DPP10: variants seen among roughly 807,000 people sequenced by gnomAD.
DPP10 encodes inactive dipeptidyl peptidase 10.
DPP10 carries 33 observed loss-of-function variants against 120.9 expected under a neutral mutation model. The ratio of observed to expected loss-of-function variants is 0.27; its 90% CI spans 0.21 to 0.37. The LOEUF (loss-of-function observed/expected upper bound fraction) is 0.37, where lower values mean the gene tolerates loss of function less well. Among genes scored for constraint, DPP10 ranks in the 10% least tolerant of loss-of-function variants. The probability of loss-of-function intolerance (pLI) is 1.00; values close to 1 mark genes in which losing one functional copy is unlikely to be tolerated. For synonymous variants in DPP10, 337 were observed against 326.1 expected (o/e 1.03, Z -0.36); for missense variants, 816 against 942.8 (o/e 0.87, Z 1.76).
chr2:115,843,167 C>A lies in DPP10; in HGVS notation c.*822C>A, dbSNP rs895343799. ...ACATTTTTTCCAATTCAAATTCTAG[C>A]TATTGCTTTCCTATAAATGTTTGGG... On this transcript the variant is annotated 3_prime_UTR_variant, in exon 26 of 26. Transcript: ENST00000410059. 7 of 152,516 alleles carry A rather than the reference C, an allele frequency of 4.6e-5. No homozygotes were observed. Among genetic ancestry groups the A allele is most frequent in the Admixed American group, 6.5e-5 (1 of 15,272 alleles). 9.4% of individuals were successfully genotyped at this position (152,516 alleles called of 1,614,324 possible).
chr2:115,206,295 A>AT (rs2056122944), intron 1 of DPP10, among the ~76,000 whole-genome samples: 2 of 152,190 alleles, frequency 1.3e-5, no homozygotes, highest in African/African-American at 4.8e-5. Context: ...CCAGAAACCA[A>AT]TTTTTTAAAC....
intron 1 of DPP10, among the ~76,000 whole-genome samples, chr2:114,964,207 A>T (rs1023231508): frequency 2.0e-5 from 3 of 152,236 alleles, no homozygotes; most frequent in Admixed American, 6.5e-5. Flanking sequence ...ATGTATTTAC[A>T]AATGGGGAAT....
Position 114,514,831 on chromosome 2 carries a change from C to T in DPP10, c.60+71993C>T, listed in dbSNP as rs533952576. Among the ~76,000 whole-genome samples the T allele has an allele frequency of 5.4e-5, 8 of 149,222 alleles. No individual in the cohort carries two copies. In the South Asian group the frequency reaches 6.3e-4, roughly 12 times the overall value. On this transcript the variant is annotated intron_variant, in intron 1 of 25. Transcript: ENST00000410059. Reference sequence around the variant, plus strand: ...GGCAGGAATAAAGCAGGTGAGGGTTCCATCAGAGTATCTGCCCTAATTTCC... The same window carrying T: ...GGCAGGAATAAAGCAGGTGAGGGTTTCATCAGAGTATCTGCCCTAATTTCC...
chr2:115,634,673 G>A (rs2086171752), intron 5 of DPP10, among the ~76,000 whole-genome samples: 1 of 152,090 alleles, frequency 6.6e-6, no homozygotes, highest in African/African-American at 2.4e-5. Context: ...CCTAATTGAG[G>A]GTTCTCCTCC....
At chr2:115,328,973 A>G (rs1419123563) in intron 2 of DPP10, among the ~76,000 whole-genome samples, 2 of 152,130 alleles carry the variant, frequency 1.3e-5, no homozygotes, top group Non-Finnish European at 2.9e-5. Flanking sequence ...TTTTGAGAAC[A>G]GAGAAGCAGA....
chr2:115,360,181 T>G (rs2106347167), intron 3 of DPP10, among the ~76,000 whole-genome samples: 1 of 152,352 alleles, frequency 6.6e-6, no homozygotes, highest in Admixed American at 6.5e-5. Flanking sequence ...ATACTCTGAC[T>G]TTTTGAATTG....
At chr2:115,801,972 C>T (rs1685298618) in intron 19 of DPP10, among the ~76,000 whole-genome samples, 1 of 152,176 alleles carries the variant, frequency 6.6e-6, no homozygotes, top group Non-Finnish European at 1.5e-5. Flanking sequence ...AGGATTCCCT[C>T]TTTTTCTATT....
chr2:114,907,246 C>T (rs190375706), intron 1 of DPP10, among the ~76,000 whole-genome samples: 385 of 151,694 alleles, frequency 2.5e-3, no homozygotes, highest in Non-Finnish European at 4.0e-3. Context: ...TTCATCTTTT[C>T]AGAGAACCAA....
chr2:115,309,382 T>A, intron 2 of DPP10, 29 bp downstream of exon 2: 3 of 1,592,170 alleles, frequency 1.9e-6, no homozygotes, highest in Non-Finnish European at 2.6e-6. Flanking sequence ...TCTCTTATGA[T>A]GGATGGTATT....
chr2:114,819,215 TTAGA>T (rs1046389340), intron 1 of DPP10, among the ~76,000 whole-genome samples: 4 of 152,106 alleles, frequency 2.6e-5, no homozygotes, highest in Non-Finnish European at 4.4e-5. Flanking sequence ...TTTTTTTTTT[TTAGA>T]TAGACGTTTC....
intron 1 of DPP10, among the ~76,000 whole-genome samples, chr2:115,201,977 A>C (rs1371804890): frequency 6.6e-6 from 1 of 152,154 alleles, no homozygotes; most frequent in Non-Finnish European, 1.5e-5. Flanking sequence ...TCTTAGGATG[A>C]GGGTACTGCA....
intron 1 of DPP10, among the ~76,000 whole-genome samples, chr2:114,817,412 G>A (rs1685731407): frequency 6.6e-6 from 1 of 152,142 alleles, no homozygotes; most frequent in African/African-American, 2.4e-5. Context: ...CCATTCAGGA[G>A]ATGTGAGGGA....
chr2:115,133,880 C>T (rs1448604079), intron 1 of DPP10, among the ~76,000 whole-genome samples: 1 of 152,154 alleles, frequency 6.6e-6, no homozygotes, highest in Non-Finnish European at 1.5e-5. Context: ...CCATACATGA[C>T]CATCAATAAA....
intron 1 of DPP10, among the ~76,000 whole-genome samples, chr2:114,548,486 A>G (rs1573624420): frequency 1.3e-5 from 2 of 152,258 alleles, no homozygotes; most frequent in South Asian, 4.2e-4. Context: ...GTCTTTGAGA[A>G]GGGCGGGCTA....
At chr2:115,282,530 C>G (rs1471424566) in intron 1 of DPP10, among the ~76,000 whole-genome samples, 1 of 152,002 alleles carries the variant, frequency 6.6e-6, no homozygotes, top group Non-Finnish European at 1.5e-5. Context: ...AATGTCTTAC[C>G]TATAGAAACT....
chr2:114,906,474 T>C (rs867075237), intron 1 of DPP10, among the ~76,000 whole-genome samples: 5 of 152,132 alleles, frequency 3.3e-5, no homozygotes, highest in Admixed American at 6.6e-5. Context: ...CCTTCACCAT[T>C]TTTAACGTGA....
At chr2:114,898,526 G>T (rs538483510) in intron 1 of DPP10, among the ~76,000 whole-genome samples, 3 of 152,004 alleles carry the variant, frequency 2.0e-5, no homozygotes, top group South Asian at 4.1e-4. Flanking sequence ...AAAAATAAAG[G>T]TGGTAGGAAA....
At chr2:114,882,551 T>A (rs1691732465) in intron 1 of DPP10, among the ~76,000 whole-genome samples, 1 of 151,860 alleles carries the variant, frequency 6.6e-6, no homozygotes, top group Non-Finnish European at 1.5e-5. Flanking sequence ...GAGGGCTAAA[T>A]GACTAAATAT....
intron 1 of DPP10, chr2:114,706,974 G>A (rs188915020): frequency 2.0e-5 from 3 of 152,240 alleles, no homozygotes; most frequent in African/African-American, 7.2e-5. Context: ...CATATAGATG[G>A]ATACCATGGC....
Sources: gnomAD v4.1 joint callset for allele counts (sites outside exome capture counted in the v4.1 genomes callset) on GRCh38, gnomAD v4.1.1 for gene constraint, MANE v1.5 for transcripts, NCBI Gene and HGNC (gene_info 2026-07-23, HGNC 2026-07-21) for gene names.